The following BAZ1B variants were observed in gnomAD, a reference collection of about 807,000 sequenced individuals.
BAZ1B encodes the protein tyrosine-protein kinase BAZ1B.
Under a neutral mutation model 153.8 loss-of-function variants are expected in BAZ1B, and 22 were observed. That is an observed-to-expected ratio of 0.14 (90% CI 0.10 to 0.20). BAZ1B has a LOEUF of 0.20. BAZ1B is among the 10% of genes least tolerant of loss of function. The pLI, the probability that BAZ1B is intolerant of heterozygous loss-of-function variation, is 1.00. For missense variants in BAZ1B, 1,325 were observed against 1,799.3 expected (o/e 0.74, Z 4.77); for synonymous variants, 676 against 633.4 (o/e 1.07, Z -1.01).
chr7:73,509,443 T>C lies in BAZ1B; in HGVS notation c.225-972A>G, dbSNP rs548605328. Among the ~76,000 whole-genome samples, 11 of 151,678 alleles carry C rather than the reference T, an allele frequency of 7.3e-5. 1 individual carries two copies. In the East Asian group the frequency reaches 2.1e-3, roughly 30 times the overall value. On this transcript the variant is annotated intron_variant, in intron 2 of 19. Transcript: ENST00000339594. ...GGAATACAAAGATTAAAAAAAAACA[T>C]GCAGTTTGCTGGACACAGTGGGTCC...
intron 15 of BAZ1B, among the ~76,000 whole-genome samples, chr7:73,448,596 C>G (rs1481777185): frequency 6.6e-6 from 1 of 152,130 alleles, no homozygotes; most frequent in Non-Finnish European, 1.5e-5. Flanking sequence ...AACCATGAAG[C>G]CTAAGGATGC....
intron 3 of BAZ1B, among the ~76,000 whole-genome samples, chr7:73,500,744 A>G (rs991774598): frequency 1.3e-5 from 2 of 151,530 alleles, no homozygotes; most frequent in Non-Finnish European, 2.9e-5. Flanking sequence ...TACAAAAAGT[A>G]GCTGGGCATG....
chr7:73,441,480 A>C lies in BAZ1B; in HGVS notation c.*229T>G, dbSNP rs2116202739. 6.6e-6 allele frequency: 1 copy of C among 152,490 alleles called. No individual in the cohort carries two copies. The highest frequency in any genetic ancestry group is 6.5e-5 in the Admixed American group (1 of 15,284). 9.4% of individuals were successfully genotyped at this position (152,490 alleles called of 1,614,324 possible). A position where few individuals can be genotyped will look rare whatever the true frequency, so the allele number is the denominator to read the frequency against. On this transcript the variant is annotated 3_prime_UTR_variant, in exon 20 of 20. Transcript: ENST00000339594. ...TATGCATGATTATAAGCAGGACTCC[A>C]GTCTCTAAGTGAAGTGCCTTAGTTT...
Position 73,450,950 on chromosome 7 carries a change from A to C in BAZ1B, c.3477T>G (p.Ala1159=), listed in dbSNP as rs372715830. The change falls in exon 14 of 20, where the codon GCT becomes GCG. Residue 1159 remains alanine, a synonymous_variant. Coordinates refer to ENST00000339594, the MANE Select transcript of BAZ1B (RefSeq NM_032408.4). The surrounding 1 kb of genome is among the most constrained non-coding windows in gnomAD (Gnocchi z 4.1). The part of the protein sequence containing the change: ...LEKWKTAIRE[A]QTFSRMHVLL... ...GCACGTGCATCCTGGAGAAAGTCTG[A>C]GCTTCCCGGATTGCTGTCTTCCATT... The C allele has an allele frequency of 1.2e-6, 2 of 1,614,144 alleles. No homozygotes were observed. The highest frequency in any genetic ancestry group is 1.7e-6 in the Non-Finnish European group (2 of 1,180,034).
At chr7:73,468,462 G>A (rs1267103117) in intron 9 of BAZ1B, among the ~76,000 whole-genome samples, 2 of 151,482 alleles carry the variant, frequency 1.3e-5, no homozygotes, top group African/African-American at 4.8e-5. Flanking sequence ...GTAACACTGA[G>A]GTTGAGAAAA....
intron 7 of BAZ1B, among the ~76,000 whole-genome samples, chr7:73,474,268 C>T (rs1056698714): frequency 2.4e-4 from 37 of 152,170 alleles, no homozygotes; most frequent in African/African-American, 8.7e-4. Flanking sequence ...TTACCTTACA[C>T]TATAAAAATT....
At chr7:73,519,935 G>C (rs776604267) in intron 1 of BAZ1B, among the ~76,000 whole-genome samples, 1 of 151,362 alleles carries the variant, frequency 6.6e-6, no homozygotes, top group South Asian at 2.1e-4. Context: ...GGCCAGGCGC[G>C]GTGGCTCACG....
chr7:73,481,853 C>G (rs1405079386), intron 6 of BAZ1B, among the ~76,000 whole-genome samples: 1 of 152,024 alleles, frequency 6.6e-6, no homozygotes, highest in Non-Finnish European at 1.5e-5. Context: ...CTGGCTAACA[C>G]AGTGAAACAC....
At chr7:73,511,828 C>G (rs1261055978) in intron 1 of BAZ1B, among the ~76,000 whole-genome samples, 1 of 149,506 alleles carries the variant, frequency 6.7e-6, no homozygotes, top group Non-Finnish European at 1.5e-5. Flanking sequence ...CGAGACCAGC[C>G]TGAGCAACAT....
chr7:73,487,449 G>T (rs1554574625), intron 6 of BAZ1B, among the ~76,000 whole-genome samples: 1 of 152,072 alleles, frequency 6.6e-6, no homozygotes, highest in African/African-American at 2.4e-5. Flanking sequence ...AATAAGTGTG[G>T]ATCAGCTTTT....
intron 6 of BAZ1B, among the ~76,000 whole-genome samples, chr7:73,478,914 C>A (rs1035337242): frequency 1.3e-5 from 2 of 152,150 alleles, no homozygotes; most frequent in African/African-American, 4.8e-5. Context: ...TTCAGAGAAT[C>A]CATCCATGGA....
At position 73,508,482 on chromosome 7, in the gene BAZ1B, G is replaced by A. The variant is rs1554578123; in HGVS notation, c.225-11C>T. 6.9e-6 allele frequency: 11 copies of A among 1,596,500 alleles called. No homozygotes were observed. Among genetic ancestry groups the A allele is most frequent in the Admixed American group, 1.8e-5 (1 of 56,600 alleles). ...AACTCCTCCTTCAAACTAAATAAAT[G>A]TAATTAGTTATCAAGAAAACACAGA... On this transcript the variant is annotated splice_polypyrimidine_tract_variant and intron_variant, in intron 2 of 19. Coordinates refer to ENST00000339594, the MANE Select transcript of BAZ1B (RefSeq NM_032408.4).
In BAZ1B at chr7:73,489,341, T is replaced by A; in HGVS notation, c.744A>T (p.Pro248=). ...TAAAGTATCGAACTATCTCCTTATTTGGTGGGCGCTCTGTACGAATCAAGC... is the reference window on the plus strand; with the variant it reads ...TAAAGTATCGAACTATCTCCTTATTAGGTGGGCGCTCTGTACGAATCAAGC... ...ADSLIRTERP[P]NKEIVRYFIR... The change falls in exon 6 of 20, where the codon CCA becomes CCT. Residue 248 remains proline (P), a synonymous_variant. Transcript: ENST00000339594. 1 of 1,614,134 alleles carries A rather than the reference T, an allele frequency of 6.2e-7. No homozygotes were observed. The highest frequency in any genetic ancestry group is 8.5e-7 in the Non-Finnish European group (1 of 1,180,024).
chr7:73,452,165 A>G (rs1203027154), intron 13 of BAZ1B, among the ~76,000 whole-genome samples: 2 of 152,184 alleles, frequency 1.3e-5, no homozygotes, highest in Admixed American at 6.5e-5. Context: ...TTTTTAAAAA[A>G]CAGATTTTAA....
chr7:73,512,777 A>G (rs1419793750), intron 1 of BAZ1B, among the ~76,000 whole-genome samples: 3 of 152,242 alleles, frequency 2.0e-5, no homozygotes, highest in Non-Finnish European at 4.4e-5. Flanking sequence ...GGTTGAAATA[A>G]AAGTATTTAA....
At chr7:73,457,380 G>A (rs1270707899) in intron 13 of BAZ1B, among the ~76,000 whole-genome samples, 1 of 151,806 alleles carries the variant, frequency 6.6e-6, no homozygotes, top group Non-Finnish European at 1.5e-5. Context: ...GTGTCACCAT[G>A]TTGGCCAGGC....
At chr7:73,475,457 A>ATTTT (rs1788961512) in intron 7 of BAZ1B, among the ~76,000 whole-genome samples, 1 of 152,254 alleles carries the variant, frequency 6.6e-6, no homozygotes, top group Non-Finnish European at 1.5e-5. Flanking sequence ...CTAAGTGAAA[A>ATTTT]AAGCCAGCCA....
intron 16 of BAZ1B, among the ~76,000 whole-genome samples, chr7:73,445,954 G>C (rs1188450289): frequency 6.6e-6 from 1 of 152,218 alleles, no homozygotes; most frequent in East Asian, 1.9e-4. Flanking sequence ...ATGCAGGACT[G>C]ATGGGCCATT....
In BAZ1B at chr7:73,522,086, C is replaced by T; in HGVS notation, c.-153G>A. 2.2e-6 allele frequency: 1 copy of T among 464,676 alleles called. No individual in the cohort carries two copies. Among genetic ancestry groups the T allele is most frequent in the Non-Finnish European group, 3.5e-6 (1 of 287,574 alleles). 28.8% of individuals were successfully genotyped at this position (464,676 alleles called of 1,614,324 possible). On this transcript the variant is annotated 5_prime_UTR_variant, in exon 1 of 20. Transcript: ENST00000339594. Reference sequence around the variant, plus strand: ...GCGCGAACTCCGGCTCCCTCACCGCCGGCGCGGCCGCGCGACAGTCATGGA... The same window carrying T: ...GCGCGAACTCCGGCTCCCTCACCGCTGGCGCGGCCGCGCGACAGTCATGGA...
Sources: allele counts gnomAD v4.1 joint callset (sites outside exome capture counted in the v4.1 genomes callset), GRCh38; gene constraint gnomAD v4.1.1; non-coding constraint Gnocchi (gnomAD v3.1); transcripts MANE v1.5; gene names NCBI Gene and HGNC (gene_info 2026-07-23, HGNC 2026-07-21).